SLC37A2: variants seen among roughly 807,000 people sequenced by gnomAD.
SLC37A2 encodes glucose-6-phosphate exchanger SLC37A2.
A neutral mutation model predicts 70.7 loss-of-function variants in SLC37A2; 59 were observed. The observed-to-expected ratio is 0.83, with a 90% CI of 0.68 to 1.04. The LOEUF is 1.04. SLC37A2 is among the 50% of genes least tolerant of loss of function. SLC37A2 has a pLI of 0.00. For missense variants in SLC37A2, 580 were observed against 658.1 expected (o/e 0.88, Z 1.30); for synonymous variants, 257 against 262.1 (o/e 0.98, Z 0.19).
intron 14 of SLC37A2, 107 bp downstream of exon 14, chr11:125,085,246 C>G: frequency 7.5e-7 from 1 of 1,328,212 alleles, no homozygotes; most frequent in Non-Finnish European, 1.1e-6. Flanking sequence ...GAGGAGAAAC[C>G]GTCAAAGTCC....
chr11:125,071,506 C>T (rs117367077), intron 1 of SLC37A2, among the ~76,000 whole-genome samples: 2,565 of 152,340 alleles, frequency 0.017, 41 homozygotes, highest in Non-Finnish European at 0.02. Flanking sequence ...TTCCTCTTTC[C>T]TAAGACAGAC....
At position 125,085,592 on chromosome 11, in the gene SLC37A2, C is replaced by T. The variant is rs750535733; in HGVS notation, c.1343C>T (p.Pro448Leu). Residue 448 changes from proline to leucine, a missense_variant, in exon 16 of 18, where the codon CCT (proline) becomes CTT (leucine). Coordinates refer to ENST00000403796, the MANE Select transcript of SLC37A2 (RefSeq NM_001145290.2). ...GTGSIGAALGPLLAGLISPTG... is the reference protein window; with the variant it reads ...GTGSIGAALGLLLAGLISPTG... ...CTCCATTCAGGTGCGGCTCTGGGGC[C>T]TCTGCTGGCTGGGCTCATCTCCCCC... The T allele has an allele frequency of 1.9e-6, 3 of 1,613,896 alleles. No individual in the cohort carries two copies. The highest frequency in any genetic ancestry group is 3.3e-5 in the Admixed American group (2 of 60,026).
At chr11:125,066,600 A>C (rs74446443) in intron 1 of SLC37A2, among the ~76,000 whole-genome samples, 4,298 of 152,308 alleles carry the variant, frequency 0.028, 200 homozygotes, top group African/African-American at 0.098. Flanking sequence ...ACTGACAAGG[A>C]AATTTGGTTG....
In SLC37A2 at chr11:125,083,778, A is replaced by G. The variant is rs1949174967; in HGVS notation, c.977-37A>G. 6.2e-7 allele frequency: 1 copy of G among 1,600,336 alleles called. No homozygotes were observed. On this transcript the variant is annotated intron_variant, in intron 10 of 17. Coordinates refer to ENST00000403796, the MANE Select transcript of SLC37A2 (RefSeq NM_001145290.2). The surrounding 1 kb of genome is among the most constrained non-coding windows in gnomAD (Gnocchi z 4.6). ...GTGACACTCCAGGATGTTTGCCCCA[A>G]ACCCCAGGTCTGACCACATACCTGT...
At chr11:125,076,455 G>T (rs1294337697) in intron 1 of SLC37A2, among the ~76,000 whole-genome samples, 2 of 152,160 alleles carry the variant, frequency 1.3e-5, no homozygotes, top group Non-Finnish European at 2.9e-5. Flanking sequence ...CCTCAGGGAG[G>T]TCGACAAAAA....
At position 125,083,079 on chromosome 11, in the gene SLC37A2, C is replaced by G. The variant is rs568192571; in HGVS notation, c.977-736C>G. 1 of 152,618 alleles carries G rather than the reference C, an allele frequency of 6.6e-6. No individual in the cohort carries two copies. Among genetic ancestry groups the G allele is most frequent in the Admixed American group, 6.5e-5 (1 of 15,314 alleles). The allele number at this position is 152,618 out of a possible 1,614,324, so 9.5% of individuals were successfully genotyped here. A position where few individuals can be genotyped will look rare whatever the true frequency, so the allele number is the denominator to read the frequency against. ...GTCACCCAGTACTGCTGCCCTCCCT[C>G]CCAGCCCTGGGGAGGAACAACAGTG... is the stretch of plus-strand genomic sequence containing the variant. On this transcript the variant is annotated intron_variant, in intron 10 of 17. Transcript: ENST00000403796. The surrounding 1 kb of genome is among the most constrained non-coding windows in gnomAD (Gnocchi z 4.6).
intron 1 of SLC37A2, among the ~76,000 whole-genome samples, chr11:125,069,580 A>G (rs1949009967): frequency 6.6e-6 from 1 of 152,196 alleles, no homozygotes; most frequent in Non-Finnish European, 1.5e-5. Context: ...CCATTAGGAG[A>G]AGAAGGAAGT....
At position 125,088,177 on chromosome 11, in the gene SLC37A2, C is replaced by A; in HGVS notation, c.*43C>A. On this transcript the variant is annotated 3_prime_UTR_variant, in exon 18 of 18. Coordinates refer to ENST00000403796, the MANE Select transcript of SLC37A2 (RefSeq NM_001145290.2). The stretch of plus-strand genomic sequence containing the variant: ...CAGCATGGAGGGTCCCAGTTGGGTC[C>A]CCAACGTGCTCCCCATGGGCAAGAC... 6.5e-7 allele frequency: 1 copy of A among 1,549,674 alleles called. No individual in the cohort carries two copies. Among genetic ancestry groups the A allele is most frequent in the Non-Finnish European group, 8.7e-7 (1 of 1,145,278 alleles).
At chr11:125,068,616 C>T (rs746647733) in intron 1 of SLC37A2, among the ~76,000 whole-genome samples, 3 of 152,084 alleles carry the variant, frequency 2.0e-5, no homozygotes, top group Non-Finnish European at 4.4e-5. Flanking sequence ...ATGCAGAAGT[C>T]GGTTGGGGAG....
intron 2 of SLC37A2, 66 bp from the exon 3 acceptor site, chr11:125,077,164 G>T (rs1565396812): frequency 1.6e-6 from 2 of 1,235,906 alleles, no homozygotes; most frequent in East Asian, 2.3e-5. Context: ...CAGTATGGTT[G>T]GGGCAGGTGG....
At chr11:125,069,017 A>C (rs1364052515) in intron 1 of SLC37A2, among the ~76,000 whole-genome samples, 1 of 152,224 alleles carries the variant, frequency 6.6e-6, no homozygotes, top group Non-Finnish European at 1.5e-5. Flanking sequence ...CCTGTATCAC[A>C]CGAGTGTTTT....
chr11:125,078,900 G>A (rs114078461), intron 4 of SLC37A2, among the ~76,000 whole-genome samples: 1,816 of 151,884 alleles, frequency 0.012, 40 homozygotes, highest in African/African-American at 0.042. Context: ...CCGGCCAAGC[G>A]GAGGAAGATG....
chr11:125,075,556 C>T (rs772973437), intron 1 of SLC37A2, among the ~76,000 whole-genome samples: 12 of 152,178 alleles, frequency 7.9e-5, no homozygotes, highest in African/African-American at 2.2e-4. Context: ...GCACTGAAAG[C>T]GTTTTAGCAG....
At position 125,088,119 on chromosome 11, in the gene SLC37A2, G is replaced by T; in HGVS notation, c.1491G>T (p.Gly497=). The T allele has an allele frequency of 6.4e-7, 1 of 1,551,880 alleles. No homozygotes were observed. Among genetic ancestry groups the T allele is most frequent in the Non-Finnish European group, 8.7e-7 (1 of 1,147,054 alleles). Residue 497 remains glycine, a splice_region_variant and synonymous_variant, in exon 18 of 18, where the codon GGG becomes GGT. Coordinates refer to ENST00000403796, the MANE Select transcript of SLC37A2 (RefSeq NM_001145290.2). ...AWKVSLSRGS[G]YKEI The stretch of plus-strand genomic sequence containing the variant: ...TGTCCCCCCTCTCCTCTTCATGCAG[G>T]TATAAAGAAATATGAGGCCCCAATT...
At chr11:125,074,480 T>C (rs896954536) in intron 1 of SLC37A2, among the ~76,000 whole-genome samples, 4 of 151,872 alleles carry the variant, frequency 2.6e-5, no homozygotes, top group Non-Finnish European at 2.9e-5. Context: ...ATGTTAGAAA[T>C]GGGCACAGCT....
chr11:125,084,507 C>T (rs1185844942), intron 12 of SLC37A2, among the ~76,000 whole-genome samples, 188 bp downstream of exon 12: 1 of 152,220 alleles, frequency 6.6e-6, no homozygotes, highest in African/African-American at 2.4e-5. Flanking sequence ...AAGAGCCAGA[C>T]TGCAGACTTT....
At chr11:125,075,008 T>G (rs1949068347) in intron 1 of SLC37A2, among the ~76,000 whole-genome samples, 1 of 152,148 alleles carries the variant, frequency 6.6e-6, no homozygotes, top group Admixed American at 6.5e-5. Flanking sequence ...CTGTGTTCTC[T>G]TATCTTGTGG....
intron 6 of SLC37A2, among the ~76,000 whole-genome samples, 188 bp downstream of exon 6, chr11:125,079,948 G>A (rs1949129377): frequency 6.6e-6 from 1 of 152,190 alleles, no homozygotes; most frequent in East Asian, 1.9e-4. Flanking sequence ...AACCCATAGA[G>A]CAGGCAACCT....
At position 125,081,860 on chromosome 11, in the gene SLC37A2, G is replaced by A; in HGVS notation, c.839G>A (p.Cys280Tyr). The change falls in exon 9 of 18, where the codon TGC becomes TAC. Residue 280 changes from cysteine to tyrosine, a missense_variant. Transcript: ENST00000403796. ...ETVAKCSKGP[C>Y]EEPAAISFFG... ...GTGGCCAAATGCTCCAAGGGGCCAT[G>A]CGAAGAGCCTGCTGCCATCAGCTTC... 2 of 1,613,878 alleles carry A rather than the reference G, an allele frequency of 1.2e-6. No homozygotes were observed. Among genetic ancestry groups the A allele is most frequent in the Non-Finnish European group, 1.7e-6 (2 of 1,179,846 alleles).
Sources: gnomAD v4.1 joint callset for allele counts (sites outside exome capture counted in the v4.1 genomes callset) on GRCh38, gnomAD v4.1.1 for gene constraint, Gnocchi (gnomAD v3.1) non-coding constraint, MANE v1.5 for transcripts, NCBI Gene and HGNC (gene_info 2026-07-23, HGNC 2026-07-21) for gene names.